TP63: variants seen among roughly 807,000 people sequenced by gnomAD.
TP63 encodes tumor protein p63.
A neutral mutation model predicts 82.8 loss-of-function variants in TP63; 17 were observed. That is an observed-to-expected ratio of 0.21 (90% confidence interval 0.14 to 0.31). The LOEUF (loss-of-function observed/expected upper bound fraction) is 0.31, where lower values mean the gene tolerates loss of function less well. Ranked by LOEUF, TP63 falls within the 10% of genes least tolerant of loss-of-function variation. The pLI, the probability that TP63 is intolerant of heterozygous loss-of-function variation, is 1.00. For synonymous variants in TP63, 330 were observed against 321.7 expected, an observed-to-expected ratio of 1.03 and a Z score of -0.28; for missense variants, 648 against 895.3, an observed-to-expected ratio of 0.72 and a Z score of 3.52.
intron 3 of TP63, among the ~76,000 whole-genome samples, chr3:189,747,204 TAAGA>T (rs1422250364): frequency 6.6e-6 from 1 of 152,016 alleles, no homozygotes; most frequent in Non-Finnish European, 1.5e-5. Flanking sequence ...TCTAGAAAGT[TAAGA>T]AAGAAACACT....
chr3:189,698,157 G>A (rs1041152652), intron 1 of TP63, among the ~76,000 whole-genome samples: 22 of 152,004 alleles, frequency 1.4e-4, no homozygotes, highest in Admixed American at 4.6e-4. Context: ...TACACATCAG[G>A]TTTAGGTTTT....
chr3:189,691,355 A>AAAAAAAAAAAAAAAAAAAAAAAG (rs1553813522), intron 1 of TP63, among the ~76,000 whole-genome samples: 1 of 143,922 alleles, frequency 6.9e-6, no homozygotes, highest in African/African-American at 2.7e-5. Flanking sequence ...AAAAAAAAAA[A>AAAAAAAAAAAAAAAAAAAAAAAG]AAAAAGAAAA....
chr3:189,675,219 C>G (rs1052198809), intron 1 of TP63, among the ~76,000 whole-genome samples: 2 of 152,086 alleles, frequency 1.3e-5, no homozygotes, highest in African/African-American at 4.8e-5. Flanking sequence ...TGCCTTCATT[C>G]ATAACTCAGT....
chr3:189,694,611 A>C (rs1383093481), intron 1 of TP63, among the ~76,000 whole-genome samples: 2 of 151,978 alleles, frequency 1.3e-5, no homozygotes, highest in African/African-American at 4.8e-5. Flanking sequence ...CATGCAGGTA[A>C]AGTGCCATTT....
chr3:189,836,460 C>A (rs536200982), intron 4 of TP63, among the ~76,000 whole-genome samples: 1 of 152,160 alleles, frequency 6.6e-6, no homozygotes, highest in South Asian at 2.1e-4. Context: ...CAAAGCAAAG[C>A]GTTTTTGCTT....
intron 4 of TP63, among the ~76,000 whole-genome samples, chr3:189,818,106 T>C (rs547098603): frequency 1.3e-5 from 2 of 152,030 alleles, no homozygotes; most frequent in South Asian, 2.1e-4. Flanking sequence ...CTACTGTGTG[T>C]TCATTTGAGA....
intron 1 of TP63, among the ~76,000 whole-genome samples, chr3:189,675,016 T>C (rs529476297): frequency 9.8e-4 from 149 of 152,246 alleles, no homozygotes; most frequent in Middle Eastern, 6.8e-3. Flanking sequence ...AGTTAGCTTA[T>C]AGACAACAGG....
chr3:189,847,419 C>T (rs914466290), intron 4 of TP63, among the ~76,000 whole-genome samples: 4 of 152,152 alleles, frequency 2.6e-5, no homozygotes, highest in Non-Finnish European at 2.9e-5. Context: ...TAACACTATA[C>T]ATTATCTATT....
At chr3:189,605,005 C>A in the TP63 span, among the ~76,000 whole-genome samples, 2 of 152,158 alleles carry the variant, frequency 1.3e-5, no homozygotes, top group Non-Finnish European at 2.9e-5. Flanking sequence ...TGACAAGGTT[C>A]TGGTGTTGTA....
intron 13 of TP63, among the ~76,000 whole-genome samples, chr3:189,892,033 T>C (rs976833804): frequency 1.3e-5 from 2 of 152,200 alleles, no homozygotes; most frequent in Admixed American, 1.3e-4. Context: ...TCCTGGCTGC[T>C]GCTCCCTGAT....
intron 1 of TP63, among the ~76,000 whole-genome samples, chr3:189,684,044 G>A (rs777492921): frequency 6.6e-6 from 1 of 152,134 alleles, no homozygotes; most frequent in Non-Finnish European, 1.5e-5. Flanking sequence ...CATTATGACG[G>A]TAATACAAGG....
intron 4 of TP63, among the ~76,000 whole-genome samples, chr3:189,856,918 A>G (rs1242939338): frequency 6.6e-6 from 1 of 152,100 alleles, no homozygotes; most frequent in African/African-American, 2.4e-5. Flanking sequence ...ATGGTTTAAA[A>G]GACACCACAT....
chr3:189,724,536 G>T lies in TP63; in HGVS notation c.63-13204G>T, dbSNP rs116521537. Among the ~76,000 whole-genome samples the T allele has an allele frequency of 4.1e-3, 621 of 152,190 alleles. 6 individuals are homozygous for T. Among genetic ancestry groups the T allele is most frequent in the African/African-American group, 0.014 (587 of 41,510 alleles). ...GTGTCATTCTTCTGCCTTTGCATCC[G>T]CATGGCTTAGCTCCCACTTATGAGT... On this transcript the variant is annotated intron_variant, in intron 1 of 13. Transcript: ENST00000264731.
rs369497000 is a variant in TP63, at chr3:189,646,558, A to G, written c.62+14981A>G. On this transcript the variant is annotated intron_variant, in intron 1 of 13. Transcript: ENST00000264731. ...TATTATAAATATTCAATAAATGTCT[A>G]ATTTGATTGAAATAATTCTATTATA... Among the ~76,000 whole-genome samples the G allele has an allele frequency of 1.5e-4, 22 of 147,054 alleles. 6 individuals are homozygous for G. The East Asian group carries it at 3.3e-3, about 22-fold the overall frequency.
At chr3:189,830,091 G>A (rs867607689) in intron 4 of TP63, 1 of 198,364 alleles carries the variant, frequency 5.0e-6, no homozygotes. Flanking sequence ...GTTGGAATAG[G>A]ATGGGGAATG....
chr3:189,832,272 G>A (rs1309620864), intron 4 of TP63, among the ~76,000 whole-genome samples: 4 of 152,096 alleles, frequency 2.6e-5, no homozygotes, highest in Non-Finnish European at 5.9e-5. Context: ...GGGCTTGTTG[G>A]GGTATACTGT....
At chr3:189,614,878 T>C in the TP63 span, among the ~76,000 whole-genome samples, 1 of 152,184 alleles carries the variant, frequency 6.6e-6, no homozygotes, top group African/African-American at 2.4e-5. Context: ...AAGTCAGCTA[T>C]AAAAGAAAGG....
chr3:189,789,192 G>T (rs956460120), intron 3 of TP63, among the ~76,000 whole-genome samples: 1 of 152,012 alleles, frequency 6.6e-6, no homozygotes, highest in African/African-American at 2.4e-5. Context: ...TTGGTTAAAT[G>T]TAACAGTGGA....
chr3:189,812,602 C>T (rs1331271009), intron 4 of TP63, among the ~76,000 whole-genome samples: 1 of 152,132 alleles, frequency 6.6e-6, no homozygotes, highest in Non-Finnish European at 1.5e-5. Context: ...GGGGCTTTCA[C>T]CAAAAATTCA....
Sources: gnomAD v4.1 joint callset for allele counts (sites outside exome capture counted in the v4.1 genomes callset) on GRCh38, gnomAD v4.1.1 for gene constraint, MANE v1.5 for transcripts, NCBI Gene and HGNC (gene_info 2026-07-23, HGNC 2026-07-21) for gene names.